The following CFAP65 variants were observed in gnomAD, a reference collection of about 807,000 sequenced individuals.
CFAP65 encodes cilia and flagella associated protein 65.
A neutral mutation model predicts 208.0 loss-of-function variants in CFAP65; 155 were observed. That is an observed-to-expected ratio of 0.75 (90% CI 0.65 to 0.85). CFAP65 has a LOEUF of 0.85. Ranked by LOEUF, CFAP65 falls within the 40% of genes least tolerant of loss-of-function variation. CFAP65 has a pLI of 0.00. For synonymous variants in CFAP65, 970 were observed against 986.3 expected (o/e 0.98, Z 0.31); for missense variants, 2,294 against 2,451.3 (o/e 0.94, Z 1.36).
intron 16 of CFAP65, among the ~76,000 whole-genome samples, chr2:219,022,559 T>C (rs1177754443): frequency 2.6e-5 from 4 of 152,136 alleles, no homozygotes; most frequent in African/African-American, 9.7e-5. Flanking sequence ...GATGAGAAAC[T>C]GAAAGTTCAG....
intron 21 of CFAP65, chr2:219,014,431 C>G (rs960260299): frequency 1.2e-5 from 2 of 167,892 alleles, no homozygotes; most frequent in African/African-American, 4.8e-5. Flanking sequence ...CCAGCAGCCC[C>G]AGGGAGTGGG....
At position 219,030,075 on chromosome 2, in the gene CFAP65, G is replaced by A. The variant is rs759553681; in HGVS notation, c.1295C>T (p.Thr432Ile). 4 of 1,614,168 alleles carry A rather than the reference G, an allele frequency of 2.5e-6. No individual in the cohort carries two copies. Among genetic ancestry groups the A allele is most frequent in the Non-Finnish European group, 3.4e-6 (4 of 1,180,022 alleles). ...GTAGTCCACAGTTCTGGTGTCCAGAGTCTTGGGGTGGAAGAACACCGACAC... is the reference window on the plus strand; with the variant it reads ...GTAGTCCACAGTTCTGGTGTCCAGAATCTTGGGGTGGAAGAACACCGACAC... Reference protein sequence around the residue: ...KCVSVFFHPKTLDTRTVDYCS... With the variant: ...KCVSVFFHPKILDTRTVDYCS... The change falls in exon 10 of 35, where the codon ACT becomes ATT. Residue 432 changes from threonine to isoleucine, a missense_variant. By Grantham distance (89) the Thr-to-Ile change is moderately conservative (BLOSUM62 -1). Around this residue, in one of 2 missense-constraint regions of CFAP65, gnomAD observed 867 missense variants for 1,012.6 expected, o/e 0.86. Coordinates refer to ENST00000341552, the MANE Select transcript of CFAP65 (RefSeq NM_194302.4).
intron 29 of CFAP65, among the ~76,000 whole-genome samples, chr2:219,006,840 A>C (rs559995263): frequency 1.3e-5 from 2 of 151,862 alleles, no homozygotes; most frequent in Admixed American, 1.3e-4. Flanking sequence ...TCTCAAAAAA[A>C]AAAAAAAAAA....
chr2:219,012,355 G>T (rs1272269587), intron 24 of CFAP65, among the ~76,000 whole-genome samples: 1 of 152,162 alleles, frequency 6.6e-6, no homozygotes, highest in Non-Finnish European at 1.5e-5. Context: ...TTTAGCAAAT[G>T]GCACTATGTA....
At chr2:219,021,721 T>C in intron 18 of CFAP65, 59 bp downstream of exon 18, 3 of 1,586,660 alleles carry the variant, frequency 1.9e-6, no homozygotes, top group Non-Finnish European at 2.6e-6. Flanking sequence ...GGTTAACCGG[T>C]CTTAACCAGT....
Position 219,021,288 on chromosome 2 carries a change from G to A in CFAP65, c.3131-8C>T, listed in dbSNP as rs755370728. 3.2e-6 allele frequency: 5 copies of A among 1,570,726 alleles called. No individual in the cohort carries two copies. Among genetic ancestry groups the A allele is most frequent in the Non-Finnish European group, 4.3e-6 (5 of 1,156,822 alleles). ...TTCGGTCCAGCTGCAGAGCTGCTCA[G>A]GGATGATGCCGGAGGGTCAGTGGGT... On this transcript the variant is annotated splice_region_variant and splice_polypyrimidine_tract_variant and intron_variant, in intron 18 of 34. Transcript: ENST00000341552.
intron 19 of CFAP65, among the ~76,000 whole-genome samples, chr2:219,019,937 GC>G (rs1172389189): frequency 6.6e-6 from 1 of 152,080 alleles, no homozygotes; most frequent in Non-Finnish European, 1.5e-5. Flanking sequence ...TTATACACAT[GC>G]CTGCACTTAA....
In CFAP65 at chr2:219,013,244, A is replaced by T. The variant is rs1393673929; in HGVS notation, c.3957+15T>A. 3.2e-6 allele frequency: 5 copies of T among 1,560,286 alleles called. No homozygotes were observed. The highest frequency in any genetic ancestry group is 2.2e-5 in the South Asian group (2 of 89,206). On this transcript the variant is annotated intron_variant, in intron 24 of 34. Coordinates refer to ENST00000341552, the MANE Select transcript of CFAP65 (RefSeq NM_194302.4). ...TTAGGCCTTCTTGGTCAACAGGACAATGTGGACCACTGACCTGCCGTGGGG... is the reference window on the plus strand; with the variant it reads ...TTAGGCCTTCTTGGTCAACAGGACATTGTGGACCACTGACCTGCCGTGGGG...
chr2:219,024,318 C>T, intron 14 of CFAP65, 58 bp from the exon 15 acceptor site: 1 of 1,556,196 alleles, frequency 6.4e-7, no homozygotes, highest in Non-Finnish European at 8.7e-7. Flanking sequence ...CTGGGACACA[C>T]ACTCAGGGCC....
Position 219,004,052 on chromosome 2 carries a change from GT to G in CFAP65, c.5454del (p.Gln1819SerfsTer16). ...KVSWAGIGPT[P>X]QPESQESMQW... Reference sequence around the variant, plus strand: ...TGCATGGACTCCTGGGACTCAGGCTGTGGTGTGGGCCCGATGCCCGCCCAGC... The same window carrying G: ...TGCATGGACTCCTGGGACTCAGGCTGGGTGTGGGCCCGATGCCCGCCCAGC... On this transcript the variant is annotated frameshift_variant, in exon 33 of 35. Transcript: ENST00000341552. LOFTEE classifies it high-confidence loss of function. The surrounding 1 kb of genome is among the most constrained non-coding windows in gnomAD (Gnocchi z 4.7). 2 of 1,614,082 alleles carry G rather than the reference GT, an allele frequency of 1.2e-6. No individual in the cohort carries two copies. The highest frequency in any genetic ancestry group is 1.7e-6 in the Non-Finnish European group (2 of 1,180,030).
chr2:219,010,561 C>T lies in CFAP65; in HGVS notation c.4293G>A (p.Leu1431=). The part of the protein sequence containing the change: ...SWDNSSIHSR[L]VVPGQNVFLS... ...CTTTCCCCACCTGTCCAGGCACCAC[C>T]AGCCTAGAGTGTATGGAACTGTTGT... The change falls in exon 26 of 35, where the codon CTG becomes CTA. Residue 1431 remains leucine (L), a synonymous_variant. Transcript: ENST00000341552. 6.2e-7 allele frequency: 1 copy of T among 1,609,834 alleles called. No individual in the cohort carries two copies. Among genetic ancestry groups the T allele is most frequent in the Non-Finnish European group, 8.5e-7 (1 of 1,179,144 alleles).
intron 13 of CFAP65, 28 bp from the exon 14 acceptor site, chr2:219,026,187 G>C: frequency 6.3e-7 from 1 of 1,598,130 alleles, no homozygotes. Flanking sequence ...CCACGGAAAA[G>C]CTCAGAGTCC....
intron 19 of CFAP65, 59 bp from the exon 20 acceptor site, chr2:219,019,778 G>C: frequency 1.4e-6 from 2 of 1,459,328 alleles, no homozygotes; most frequent in African/African-American, 2.8e-5. Context: ...CCTGGAGGGG[G>C]CATGCAGGCC....
At chr2:219,013,467 G>A in intron 23 of CFAP65, 52 bp downstream of exon 23, 9 of 1,562,344 alleles carry the variant, frequency 5.8e-6, no homozygotes, top group Non-Finnish European at 7.8e-6. Context: ...TGTCCAGCCA[G>A]CCCCCTCCTC....
chr2:219,012,910 T>C (rs1282519726), intron 24 of CFAP65, among the ~76,000 whole-genome samples: 2 of 152,226 alleles, frequency 1.3e-5, no homozygotes, highest in Non-Finnish European at 2.9e-5. Flanking sequence ...TAATTCTACT[T>C]TGGTTGTATG....
chr2:219,025,616 G>A (rs887291534), intron 14 of CFAP65, among the ~76,000 whole-genome samples: 1 of 152,128 alleles, frequency 6.6e-6, no homozygotes, highest in African/African-American at 2.4e-5. Flanking sequence ...CCTCTCATAG[G>A]GCAGGGTGCT....
In CFAP65 at chr2:219,029,981, G is replaced by T. The variant is rs745648300; in HGVS notation, c.1384+5C>A. The T allele has an allele frequency of 6.2e-7, 1 of 1,613,216 alleles. No individual in the cohort carries two copies. Among genetic ancestry groups the T allele is most frequent in the African/African-American group, 1.3e-5 (1 of 74,854 alleles). On this transcript the variant is annotated splice_donor_5th_base_variant and intron_variant, in intron 10 of 34. Coordinates refer to ENST00000341552, the MANE Select transcript of CFAP65 (RefSeq NM_194302.4). ...CCCAGGGGAGGCCCCTGGGGTCACCGGTACCTCTACAGAAACCAACGACTT... is the reference window on the plus strand; with the variant it reads ...CCCAGGGGAGGCCCCTGGGGTCACCTGTACCTCTACAGAAACCAACGACTT...
intron 21 of CFAP65, chr2:219,014,406 G>A (rs1047475036): frequency 8.7e-5 from 15 of 172,126 alleles, no homozygotes; most frequent in African/African-American, 3.3e-4. Context: ...CACCTAGGAA[G>A]GCTGGCAGCA....
rs761880198 is a variant in CFAP65, at chr2:219,019,687, A to G, written c.3292T>C (p.Cys1098Arg). 1.2e-6 allele frequency: 2 copies of G among 1,613,510 alleles called. No individual in the cohort carries two copies. Among genetic ancestry groups the G allele is most frequent in the South Asian group, 2.2e-5 (2 of 91,078 alleles). Residue 1098 changes from cysteine (C) to arginine (R), a missense_variant, in exon 20 of 35, where the codon TGC (cysteine) becomes CGC (arginine). By Grantham distance (180) the Cys-to-Arg change is radical. Coordinates refer to ENST00000341552, the MANE Select transcript of CFAP65 (RefSeq NM_194302.4). ...NKAGEKQELC[C>R]VSLVAVYPLL... is the part of the protein sequence containing the mutation. ...GGGTACACGGCCACCAGGGAGACGC[A>G]GCACAGCTCCTGCTTCTCCCCAGCC...
Sources: gnomAD v4.1 joint callset for allele counts (sites outside exome capture counted in the v4.1 genomes callset) on GRCh38, gnomAD v4.1.1 for gene constraint, gnomAD v4.1.1 regional missense constraint, Gnocchi (gnomAD v3.1) non-coding constraint, MANE v1.5 for transcripts, NCBI Gene and HGNC (gene_info 2026-07-23, HGNC 2026-07-21) for gene names.